MOB1A: variants seen among roughly 807,000 people sequenced by gnomAD.
The protein encoded by MOB1A is MOB1 Mps One Binder homolog A.
A neutral mutation model predicts 25.1 loss-of-function variants in MOB1A; 10 were observed. The ratio of observed to expected loss-of-function variants is 0.40; its 90% CI spans 0.25 to 0.68. The LOEUF (loss-of-function observed/expected upper bound fraction) is 0.68. Ranked by LOEUF, MOB1A falls within the 30% of genes least tolerant of loss-of-function variation. MOB1A has a pLI of 0.40. For synonymous variants in MOB1A, 81 were observed against 79.5 expected (o/e 1.02, Z -0.10); for missense variants, 177 against 256.3 (o/e 0.69, Z 2.11).
intron 4 of MOB1A, among the ~76,000 whole-genome samples, chr2:74,159,556 G>A (rs1044743401): frequency 3.9e-5 from 6 of 152,096 alleles, no homozygotes; most frequent in Non-Finnish European, 5.9e-5. Context: ...TAAAGTGCTA[G>A]GATTACAGGC....
chr2:74,176,275 CAA>C (rs1201428854), intron 1 of MOB1A, among the ~76,000 whole-genome samples: 57 of 29,592 alleles, frequency 1.9e-3, no homozygotes, highest in African/African-American at 8.0e-3. Context: ...GACCCTGTCT[CAA>C]AAAAAAAAAA....
chr2:74,165,797 C>T (rs1693113680), intron 3 of MOB1A, among the ~76,000 whole-genome samples: 1 of 152,140 alleles, frequency 6.6e-6, no homozygotes. Flanking sequence ...TGCATACTTT[C>T]CCCCCTTACC....
rs778430054 is a variant in MOB1A, at chr2:74,171,499, TAGA to T, written c.181+1084_181+1086del. Among the ~76,000 whole-genome samples the T allele has an allele frequency of 1.1e-4, 16 of 152,260 alleles. No homozygotes were observed. In the South Asian group the frequency reaches 1.4e-3, roughly 14 times the overall value. On this transcript the variant is annotated intron_variant, in intron 2 of 5. Transcript: ENST00000396049. ...TGCTTAAAATAATCAGGGTGACATA[TAGA>T]AGAAGAAAAATTGGTCACAAACTGA...
intron 1 of MOB1A, among the ~76,000 whole-genome samples, chr2:74,175,649 A>G (rs1039532015): frequency 8.5e-5 from 13 of 152,214 alleles, no homozygotes; most frequent in African/African-American, 3.1e-4. Context: ...GGAGAAACCT[A>G]GAAGCAATCC....
intron 3 of MOB1A, 57 bp downstream of exon 3, chr2:74,166,957 C>T: frequency 8.2e-7 from 1 of 1,212,356 alleles, no homozygotes; most frequent in Non-Finnish European, 1.2e-6. Context: ...TAATTTCTAT[C>T]AATTGGTGAT....
intron 3 of MOB1A, 66 bp from the exon 4 acceptor site, chr2:74,165,417 A>G (rs1350156137): frequency 1.0e-6 from 1 of 991,384 alleles, no homozygotes. Context: ...AGTTGTGATT[A>G]AAACAGGTTC....
chr2:74,160,699 CA>C (rs34984227), intron 4 of MOB1A, among the ~76,000 whole-genome samples: 32 of 140,054 alleles, frequency 2.3e-4, no homozygotes, highest in Middle Eastern at 3.9e-3. Context: ...GACTCCGTCT[CA>C]AAAAAAAAAA....
Position 74,164,030 on chromosome 2 carries a change from T to G in MOB1A, c.409+1188A>C, listed in dbSNP as rs372493372. Reference sequence around the variant, plus strand: ...ACCAGCCTTACAAGATGCTAACAGATGCAGAGCCACAGTCACCAACGTGTG... The same window carrying G: ...ACCAGCCTTACAAGATGCTAACAGAGGCAGAGCCACAGTCACCAACGTGTG... On this transcript the variant is annotated intron_variant, in intron 4 of 5. Coordinates refer to ENST00000396049, the MANE Select transcript of MOB1A (RefSeq NM_018221.5). 4.6e-5 allele frequency: 7 copies of G among 152,068 alleles called. No individual in the cohort carries two copies. In the East Asian group the frequency reaches 7.7e-4, roughly 17 times the overall value. The allele number at this position is 152,068 out of a possible 1,614,324, so 9.4% of individuals were successfully genotyped here. A position where few individuals can be genotyped will look rare whatever the true frequency, so the allele number is the denominator to read the frequency against.
intron 2 of MOB1A, among the ~76,000 whole-genome samples, chr2:74,171,253 A>C (rs1262784589): frequency 6.6e-6 from 1 of 151,986 alleles, no homozygotes; most frequent in Admixed American, 6.6e-5. Context: ...TCGCCACTGC[A>C]CTCCAGCTTG....
At position 74,178,607 on chromosome 2, in the gene MOB1A, C is replaced by G. The variant is rs1487069001; in HGVS notation, c.14+54G>C. 3.7e-6 allele frequency: 5 copies of G among 1,334,164 alleles called. No homozygotes were observed. In the African/African-American group the frequency reaches 6.2e-5, roughly 16 times the overall value. 82.6% of individuals were successfully genotyped at this position (1,334,164 alleles called of 1,614,324 possible). On this transcript the variant is annotated intron_variant, in intron 1 of 5. Transcript: ENST00000396049. ...GCCCTCGCCTCAGGTCCGGGGAGGC[C>G]TCCCCCACAACCTCGGCCCGCAGGC...
intron 4 of MOB1A, 112 bp from the exon 5 acceptor site, chr2:74,159,366 A>C: frequency 3.2e-6 from 3 of 952,050 alleles, no homozygotes; most frequent in Non-Finnish European, 4.8e-6. Flanking sequence ...ATCTCAGCTC[A>C]CTGCAGCCTC....
intron 4 of MOB1A, among the ~76,000 whole-genome samples, chr2:74,161,933 G>C (rs987228788): frequency 6.6e-6 from 1 of 152,068 alleles, no homozygotes; most frequent in Non-Finnish European, 1.5e-5. Flanking sequence ...CTCTAGCCTG[G>C]GCAACAGAGT....
intron 1 of MOB1A, among the ~76,000 whole-genome samples, chr2:74,176,115 CACACACACAA>C: frequency 6.8e-6 from 1 of 146,130 alleles, no homozygotes; most frequent in South Asian, 2.2e-4. Context: ...CACACACACA[CACACACACAA>C]ACTAGCCGGG....
intron 2 of MOB1A, among the ~76,000 whole-genome samples, chr2:74,171,567 T>A (rs1405011365): frequency 6.6e-6 from 1 of 152,110 alleles, no homozygotes; most frequent in African/African-American, 2.4e-5. Flanking sequence ...TACCTGGAAT[T>A]CACTGTACTT....
intron 4 of MOB1A, among the ~76,000 whole-genome samples, chr2:74,163,384 C>A (rs1671929051): frequency 6.6e-6 from 1 of 152,144 alleles, no homozygotes; most frequent in South Asian, 2.1e-4. Context: ...ACCTGTAATT[C>A]CAACACTTTT....
At position 74,171,051 on chromosome 2, in the gene MOB1A, G is replaced by A. The variant is rs545910040; in HGVS notation, c.181+1535C>T. On this transcript the variant is annotated intron_variant, in intron 2 of 5. Transcript: ENST00000396049. ...TCCCTGCACTTTGGGAGGCTGAGGCGGGCAGATCACTTGAGGTCAGGAGTT... is the reference window on the plus strand; with the variant it reads ...TCCCTGCACTTTGGGAGGCTGAGGCAGGCAGATCACTTGAGGTCAGGAGTT... 1.8e-4 allele frequency among the ~76,000 whole-genome samples: 28 copies of A among 151,962 alleles called. No individual in the cohort carries two copies. The East Asian group carries it at 3.5e-3, about 19-fold the overall frequency.
intron 2 of MOB1A, among the ~76,000 whole-genome samples, chr2:74,170,484 C>T (rs1693258612): frequency 6.6e-6 from 1 of 151,786 alleles, no homozygotes; most frequent in Non-Finnish European, 1.5e-5. Context: ...GGGTTTTTTC[C>T]AGCACTTTGG....
At chr2:74,162,841 T>C (rs1210380823) in intron 4 of MOB1A, among the ~76,000 whole-genome samples, 3 of 152,204 alleles carry the variant, frequency 2.0e-5, no homozygotes, top group Admixed American at 6.5e-5. Context: ...CCATGAATAC[T>C]GATGCCAAAC....
chr2:74,174,695 T>C (rs978623500), intron 1 of MOB1A, among the ~76,000 whole-genome samples: 1 of 152,220 alleles, frequency 6.6e-6, no homozygotes, highest in African/African-American at 2.4e-5. Flanking sequence ...TTTCAAATAG[T>C]ATCAATTAAA....
Sources: gnomAD v4.1 joint callset for allele counts (sites outside exome capture counted in the v4.1 genomes callset) on GRCh38, gnomAD v4.1.1 for gene constraint, MANE v1.5 for transcripts, NCBI Gene and HGNC (gene_info 2026-07-23, HGNC 2026-07-21) for gene names.